The following IL17RB variants were observed in gnomAD, a reference collection of about 807,000 sequenced individuals.
IL17RB encodes the protein interleukin-17 receptor B.
A neutral mutation model predicts 43.9 loss-of-function variants in IL17RB; 36 were observed. That is an observed-to-expected ratio of 0.82 (90% CI 0.63 to 1.08). The LOEUF (loss-of-function observed/expected upper bound fraction) is 1.08, where lower values mean the gene tolerates loss of function less well. IL17RB is among the 50% of genes least tolerant of loss of function. IL17RB has a pLI of 0.00. For synonymous variants in IL17RB, 225 were observed against 225.4 expected, an observed-to-expected ratio of 1.00 and a Z score of 0.02; for missense variants, 613 against 613.6, an observed-to-expected ratio of 1.00 and a Z score of 0.01.
At chr3:53,848,995 T>C (rs891605771) in intron 2 of IL17RB, among the ~76,000 whole-genome samples, 10 of 151,816 alleles carry the variant, frequency 6.6e-5, no homozygotes, top group Admixed American at 1.3e-4. Flanking sequence ...TCACTTAGAG[T>C]TGGGACCGAG....
At chr3:53,861,281 A>G (rs1377845032) in intron 10 of IL17RB, 2 of 149,912 alleles carry the variant, frequency 1.3e-5, no homozygotes, top group Non-Finnish European at 1.5e-5. Context: ...GTGTCATGAA[A>G]AAAAGCAAAA....
intron 10 of IL17RB, among the ~76,000 whole-genome samples, chr3:53,864,541 A>T (rs901100476): frequency 1.3e-5 from 2 of 152,186 alleles, no homozygotes; most frequent in Admixed American, 1.3e-4. Flanking sequence ...TCTCCAAAAA[A>T]AAAAAAGTTA....
At position 53,865,451 on chromosome 3, in the gene IL17RB, A is replaced by T. The variant is rs1341468818; in HGVS notation, c.*143A>T. ...CATTTTATACCAATAAAATTTTCAA[A>T]TATTGCTAACTAATGTAGCATTAAC... On this transcript the variant is annotated 3_prime_UTR_variant, in exon 11 of 11. Transcript: ENST00000288167. 8.2e-6 allele frequency: 5 copies of T among 606,822 alleles called. No individual in the cohort carries two copies. Among genetic ancestry groups the T allele is most frequent in the South Asian group, 5.7e-5 (2 of 34,878 alleles). The allele number at this position is 606,822 out of a possible 1,614,324, so 37.6% of individuals were successfully genotyped here.
At chr3:53,853,085 T>G in intron 5 of IL17RB, 88 bp downstream of exon 5, 1 of 1,519,746 alleles carries the variant, frequency 6.6e-7, no homozygotes, top group Non-Finnish European at 9.1e-7. Context: ...GAACCCTGGA[T>G]AAGGCTTTTG....
chr3:53,863,192 C>G (rs1217659749), intron 10 of IL17RB, among the ~76,000 whole-genome samples: 1 of 152,166 alleles, frequency 6.6e-6, no homozygotes, highest in African/African-American at 2.4e-5. Flanking sequence ...GGTAAGACTT[C>G]CAGTCAACAG....
At chr3:53,860,297 A>T (rs986841631) in intron 10 of IL17RB, 69 bp downstream of exon 10, 17 of 1,299,136 alleles carry the variant, frequency 1.3e-5, no homozygotes, top group Admixed American at 1.9e-5. Flanking sequence ...TTTAAAGAAG[A>T]TTCCTCTGGA....
chr3:53,854,887 G>A (rs1699275266), intron 5 of IL17RB, among the ~76,000 whole-genome samples: 2 of 152,180 alleles, frequency 1.3e-5, no homozygotes, highest in South Asian at 4.1e-4. Context: ...GATAAAGGCT[G>A]TATTTAAATT....
At chr3:53,864,483 C>A (rs949034639) in intron 10 of IL17RB, among the ~76,000 whole-genome samples, 1 of 151,906 alleles carries the variant, frequency 6.6e-6, no homozygotes, top group East Asian at 1.9e-4. Context: ...TGTAGTCAGC[C>A]GAGGTCACGC....
Position 53,865,216 on chromosome 3 carries a change from A to G in IL17RB, c.1417A>G (p.Thr473Ala). The change falls in exon 11 of 11, where the codon ACT becomes GCT. Residue 473 changes from threonine (T) to alanine (A), a missense_variant. Coordinates refer to ENST00000288167, the MANE Select transcript of IL17RB (RefSeq NM_018725.4). ...CAAGTACCACCTCATGAAGGATGCCACTGCTTTCTGTGCAGAACTTCTCCA... is the reference window on the plus strand; with the variant it reads ...CAAGTACCACCTCATGAAGGATGCCGCTGCTTTCTGTGCAGAACTTCTCCA... ...CPKYHLMKDATAFCAELLHVK... is the reference protein window; with the variant it reads ...CPKYHLMKDAAAFCAELLHVK... 6.2e-7 allele frequency: 1 copy of G among 1,614,004 alleles called. No homozygotes were observed. The highest frequency in any genetic ancestry group is 8.5e-7 in the Non-Finnish European group (1 of 1,180,024).
intron 9 of IL17RB, chr3:53,859,768 T>C (rs1310315257): frequency 6.2e-6 from 1 of 161,562 alleles, no homozygotes; most frequent in African/African-American, 2.4e-5. Flanking sequence ...GAGAATCTAA[T>C]GCAAGACCTG....
At chr3:53,848,787 C>A in intron 2 of IL17RB, 99 bp downstream of exon 2, 1 of 1,225,628 alleles carries the variant, frequency 8.2e-7, no homozygotes, top group Non-Finnish European at 1.2e-6. Context: ...GAAGACCAGA[C>A]ACAGGGTGAC....
chr3:53,858,926 C>T (rs1031114143), intron 9 of IL17RB, 108 bp downstream of exon 9: 11 of 814,872 alleles, frequency 1.3e-5, no homozygotes, highest in Admixed American at 4.4e-5. Flanking sequence ...TGCAAGGGGT[C>T]GCTGCCTGTG....
chr3:53,847,712 T>G, intron 1 of IL17RB, among the ~76,000 whole-genome samples: 1 of 152,056 alleles, frequency 6.6e-6, no homozygotes, highest in Non-Finnish European at 1.5e-5. Context: ...GAGAATCACT[T>G]GAACCCGGGA....
intron 7 of IL17RB, 72 bp downstream of exon 7, chr3:53,857,058 G>A (rs1699363339): frequency 6.6e-7 from 1 of 1,521,178 alleles, no homozygotes; most frequent in Non-Finnish European, 9.1e-7. Flanking sequence ...AATGGGGACA[G>A]TGTTGTCCAA....
chr3:53,856,624 G>GT (rs893347754), intron 6 of IL17RB, among the ~76,000 whole-genome samples: 1 of 152,212 alleles, frequency 6.6e-6, no homozygotes, highest in African/African-American at 2.4e-5. Flanking sequence ...CAGGGAAGCT[G>GT]TTTTTAGCAA....
intron 3 of IL17RB, among the ~76,000 whole-genome samples, chr3:53,851,597 G>A (rs561015363): frequency 8.3e-4 from 126 of 152,300 alleles, no homozygotes; most frequent in Non-Finnish European, 1.6e-3. Flanking sequence ...AATCGGAACA[G>A]GTGTGGTTTG....
intron 3 of IL17RB, among the ~76,000 whole-genome samples, chr3:53,850,014 A>C (rs180989018): frequency 6.6e-6 from 1 of 152,388 alleles, no homozygotes; most frequent in East Asian, 1.9e-4. Flanking sequence ...ATCACCAGAT[A>C]AATTCCGTCA....
chr3:53,861,025 C>T (rs1699544316), intron 10 of IL17RB: 1 of 152,172 alleles, frequency 6.6e-6, no homozygotes, highest in Non-Finnish European at 1.5e-5. Context: ...GAATAATTTC[C>T]TAGCCACCTC....
At chr3:53,852,488 TG>T (rs1699189279) in intron 4 of IL17RB, among the ~76,000 whole-genome samples, 1 of 152,184 alleles carries the variant, frequency 6.6e-6, no homozygotes, top group Admixed American at 6.5e-5. Flanking sequence ...GCCCTTTGTT[TG>T]GGGAGCATGG....
Sources: gnomAD v4.1 joint callset for allele counts (sites outside exome capture counted in the v4.1 genomes callset) on GRCh38, gnomAD v4.1.1 for gene constraint, MANE v1.5 for transcripts, NCBI Gene and HGNC (gene_info 2026-07-23, HGNC 2026-07-21) for gene names.